The following TSEN15 variants were observed in gnomAD, a reference collection of about 807,000 sequenced individuals.
TSEN15 encodes tRNA splicing endonuclease subunit 15.
In TSEN15, 10 loss-of-function variants were observed where a neutral mutation model predicts 20.5. The ratio of observed to expected loss-of-function variants is 0.49; its 90% CI spans 0.30 to 0.83. The LOEUF (loss-of-function observed/expected upper bound fraction) is 0.83. Among genes scored for constraint, TSEN15 ranks in the 40% least tolerant of loss-of-function variants. The pLI is 0.06. For synonymous variants in TSEN15, 72 were observed against 80.1 expected (o/e 0.90, Z 0.54); for missense variants, 180 against 218.6 (o/e 0.82, Z 1.11).
rs534648932 is a variant in TSEN15, at chr1:184,072,748, A to G, written c.496-79A>G. 4.1e-6 allele frequency: 5 copies of G among 1,220,290 alleles called. No individual in the cohort carries two copies. In the South Asian group the frequency reaches 6.4e-5, roughly 16 times the overall value. 75.6% of individuals were successfully genotyped at this position (1,220,290 alleles called of 1,614,324 possible). A position where few individuals can be genotyped will look rare whatever the true frequency, so the allele number is the denominator to read the frequency against. On this transcript the variant is annotated intron_variant, in intron 4 of 4. Coordinates refer to ENST00000645668, the MANE Select transcript of TSEN15 (RefSeq NM_052965.4). ...TTGTTGGTATAATTTGGATAATTACATTAAATATCTTTCTAATTTTGCTTT... is the reference window on the plus strand; with the variant it reads ...TTGTTGGTATAATTTGGATAATTACGTTAAATATCTTTCTAATTTTGCTTT...
chr1:184,065,183 T>TACACAC (rs34263893), intron 3 of TSEN15, among the ~76,000 whole-genome samples: 76 of 150,022 alleles, frequency 5.1e-4, no homozygotes, highest in African/African-American at 8.3e-4. Flanking sequence ...TTAAAATGTA[T>TACACAC]ACACACACAC....
chr1:184,072,382 A>G, intron 4 of TSEN15, 84 bp downstream of exon 4: 1 of 1,270,090 alleles, frequency 7.9e-7, no homozygotes, highest in Non-Finnish European at 1.1e-6. Flanking sequence ...AGTCAGTCAC[A>G]GAACTGCCAC....
At chr1:184,072,754 T>C (rs1197971647) in intron 4 of TSEN15, 73 bp from the exon 5 acceptor site, 2 of 1,280,376 alleles carry the variant, frequency 1.6e-6, no homozygotes, top group African/African-American at 3.0e-5. Flanking sequence ...TTACATTAAA[T>C]ATCTTTCTAA....
intron 3 of TSEN15, 144 bp downstream of exon 3, chr1:184,055,007 G>A: frequency 1.1e-6 from 1 of 902,654 alleles, no homozygotes; most frequent in Non-Finnish European, 1.6e-6. Flanking sequence ...AGTTAAATAT[G>A]AGTGTTGTAT....
intron 3 of TSEN15, among the ~76,000 whole-genome samples, chr1:184,083,292 G>T (rs1265012173): frequency 2.0e-5 from 3 of 152,076 alleles, no homozygotes; most frequent in Non-Finnish European, 4.4e-5. Flanking sequence ...ACCATCCCAT[G>T]CGATTTTCTT....
Position 184,065,797 on chromosome 1 carries a change from A to T in TSEN15, c.354-6360A>T, listed in dbSNP as rs371869020. ...TCATATGCTTATTTGCCACCTGTAT[A>T]TCTCCTTTGGTGAGGTGTCTGTTCA... On this transcript the variant is annotated intron_variant, in intron 3 of 4. Coordinates refer to ENST00000645668, the MANE Select transcript of TSEN15 (RefSeq NM_052965.4). Among the ~76,000 whole-genome samples the T allele has an allele frequency of 4.6e-5, 7 of 152,214 alleles. No individual in the cohort carries two copies. The East Asian group carries it at 7.7e-4, about 17-fold the overall frequency.
exon 4 of TSEN15, chr1:184,096,159 A>G: frequency 6.2e-6 from 1 of 160,326 alleles, no homozygotes; most frequent in Non-Finnish European, 1.4e-5. Context: ...CTATTTCTGT[A>G]CATATGTCAT....
chr1:184,070,691 T>A, intron 3 of TSEN15: 1 of 1,285,526 alleles, frequency 7.8e-7, no homozygotes, highest in Non-Finnish European at 1.0e-6. Context: ...GCAATTGTGA[T>A]ATGCTGCCTT....
downstream of TSEN15, among the ~76,000 whole-genome samples, chr1:184,078,989 T>TA (rs1259660611): frequency 6.6e-6 from 1 of 152,160 alleles, no homozygotes; most frequent in African/African-American, 2.4e-5. Flanking sequence ...AGTTCTTCTA[T>TA]ACAGAAGCTC....
At position 184,089,121 on chromosome 1, in the gene TSEN15, T is replaced by C. The variant is rs555034638; in HGVS notation, c.354-6569T>C. On this transcript the variant is annotated intron_variant, in intron 3 of 3. Transcript: ENST00000643231. ...TGTGTGTGAAATTTTTTGGTGAAGT[T>C]TCCCCACTTTTAACTTCACAAAATA... is the stretch of plus-strand genomic sequence containing the variant. Among the ~76,000 whole-genome samples the C allele has an allele frequency of 1.1e-3, 168 of 152,356 alleles. 1 individual carries two copies. Among genetic ancestry groups the C allele is most frequent in the African/African-American group, 3.9e-3 (162 of 41,594 alleles).
At chr1:184,089,299 C>T (rs1307112426) in intron 3 of TSEN15, among the ~76,000 whole-genome samples, 2 of 152,058 alleles carry the variant, frequency 1.3e-5, no homozygotes, top group African/African-American at 2.4e-5. Context: ...CTACTGTAAC[C>T]GTCAATGCTC....
At chr1:184,058,157 C>A (rs1283405239) in intron 3 of TSEN15, 1 of 427,422 alleles carries the variant, frequency 2.3e-6, no homozygotes, top group Admixed American at 2.6e-5. Flanking sequence ...CTAGTATTTT[C>A]CAGGTGGTAA....
intron 1 of TSEN15, among the ~76,000 whole-genome samples, chr1:184,053,424 A>G (rs1650124998): frequency 6.6e-6 from 1 of 152,210 alleles, no homozygotes; most frequent in Non-Finnish European, 1.5e-5. Context: ...CTTGACCACC[A>G]AAGCCTTGTA....
At chr1:184,064,448 A>C (rs976213589) in intron 3 of TSEN15, among the ~76,000 whole-genome samples, 1 of 152,080 alleles carries the variant, frequency 6.6e-6, no homozygotes, top group African/African-American at 2.4e-5. Context: ...TTGGTGTGGC[A>C]TGGGTGGAGA....
chr1:184,060,859 C>T (rs17572231), intron 3 of TSEN15, among the ~76,000 whole-genome samples: 11,545 of 152,126 alleles, frequency 0.076, 678 homozygotes, highest in Admixed American at 0.19. Flanking sequence ...AAACTAGATA[C>T]GGAAAACCAC....
chr1:184,057,551 TAGC>T (rs1487654416), intron 3 of TSEN15, among the ~76,000 whole-genome samples: 1 of 152,164 alleles, frequency 6.6e-6, no homozygotes, highest in Non-Finnish European at 1.5e-5. Context: ...GTTTGATGTT[TAGC>T]AACACACCTA....
chr1:184,083,752 A>T (rs1651210909), intron 3 of TSEN15, among the ~76,000 whole-genome samples: 1 of 152,192 alleles, frequency 6.6e-6, no homozygotes, highest in South Asian at 2.1e-4. Context: ...AATGAATAGA[A>T]TTCATCCACT....
intron 3 of TSEN15, among the ~76,000 whole-genome samples, chr1:184,083,564 G>T (rs1012736758): frequency 6.6e-6 from 1 of 152,104 alleles, no homozygotes; most frequent in Non-Finnish European, 1.5e-5. Flanking sequence ...TACAATTATT[G>T]TGGATTGTAC....
chr1:184,084,705 A>G (rs1336150892), intron 3 of TSEN15, among the ~76,000 whole-genome samples: 2 of 152,050 alleles, frequency 1.3e-5, no homozygotes, highest in African/African-American at 4.8e-5. Flanking sequence ...GGCAGAAGGC[A>G]GAAGGGAAAG....
Sources: gnomAD v4.1 joint callset for allele counts (sites outside exome capture counted in the v4.1 genomes callset) on GRCh38, gnomAD v4.1.1 for gene constraint, MANE v1.5 for transcripts, NCBI Gene and HGNC (gene_info 2026-07-23, HGNC 2026-07-21) for gene names.